The following GPC5 variants were observed in gnomAD, a reference collection of about 807,000 sequenced individuals.
The protein encoded by GPC5 is glypican 5, also known as glypican-5.
GPC5 carries 47 observed loss-of-function variants against 53.9 expected under a neutral mutation model. The observed-to-expected ratio is 0.87, with a 90% CI of 0.69 to 1.11. The LOEUF (loss-of-function observed/expected upper bound fraction) is 1.11, where lower values mean the gene tolerates loss of function less well. GPC5 is among the 50% of genes most tolerant of loss of function. The pLI, the probability that GPC5 is intolerant of heterozygous loss-of-function variation, is 0.00. For synonymous variants in GPC5, 286 were observed against 263.3 expected (o/e 1.09, Z -0.84); for missense variants, 748 against 713.1 (o/e 1.05, Z -0.56).
chr13:91,784,941 T>G (rs1442543179), intron 5 of GPC5, among the ~76,000 whole-genome samples: 1 of 152,210 alleles, frequency 6.6e-6, no homozygotes, highest in East Asian at 1.9e-4. Flanking sequence ...ACCAGTGACC[T>G]CTGATTGCTA....
intron 7 of GPC5, among the ~76,000 whole-genome samples, chr13:92,256,678 A>G (rs1431596179): frequency 1.3e-5 from 2 of 152,058 alleles, no homozygotes; most frequent in African/African-American, 4.8e-5. Context: ...TACCTAGTTC[A>G]ATATGAATCT....
chr13:92,587,058 C>T (rs1437453764), intron 7 of GPC5, among the ~76,000 whole-genome samples: 13 of 152,138 alleles, frequency 8.5e-5, no homozygotes, highest in Admixed American at 3.3e-4. Flanking sequence ...AAAAACATCT[C>T]CATCAGCATC....
At chr13:92,076,873 T>C (rs1479400065) in intron 6 of GPC5, among the ~76,000 whole-genome samples, 2 of 152,192 alleles carry the variant, frequency 1.3e-5, no homozygotes, top group African/African-American at 2.4e-5. Flanking sequence ...AGAAATTAAG[T>C]AAAATTCTAG....
intron 7 of GPC5, among the ~76,000 whole-genome samples, chr13:92,571,860 G>A (rs1455378072): frequency 1.3e-5 from 2 of 152,030 alleles, no homozygotes; most frequent in Non-Finnish European, 2.9e-5. Context: ...GCAACATGGC[G>A]AGGTCCCATA....
intron 7 of GPC5, among the ~76,000 whole-genome samples, chr13:92,604,497 C>T (rs932237181): frequency 6.6e-6 from 1 of 152,144 alleles, no homozygotes; most frequent in East Asian, 1.9e-4. Context: ...CTAGAACTTT[C>T]TAAATTTTAT....
chr13:91,821,108 G>A (rs1315790193), intron 5 of GPC5, among the ~76,000 whole-genome samples: 2 of 152,062 alleles, frequency 1.3e-5, no homozygotes, highest in African/African-American at 2.4e-5. Context: ...CAACTTTTAA[G>A]CAATGAACAT....
chr13:92,777,642 G>C (rs1339148603), intron 7 of GPC5, among the ~76,000 whole-genome samples: 2 of 151,146 alleles, frequency 1.3e-5, no homozygotes, highest in Non-Finnish European at 2.9e-5. Flanking sequence ...CAAAGACTGG[G>C]CAAGTCTTAC....
intron 6 of GPC5, among the ~76,000 whole-genome samples, chr13:92,119,567 A>ATTTTTTT (rs59391576): frequency 7.1e-5 from 5 of 70,626 alleles, no homozygotes; most frequent in Non-Finnish European, 9.8e-5. Context: ...CGCCTGGCTA[A>ATTTTTTT]TTTTTTTTTT....
chr13:91,594,982 TTACATTTATTTATTTA>T (rs1276567231), intron 2 of GPC5, among the ~76,000 whole-genome samples: 1 of 148,128 alleles, frequency 6.8e-6, no homozygotes, highest in Non-Finnish European at 1.5e-5. Context: ...ATTTTTTTAT[TTACATTTATTTATTTA>T]TTTATTTATT....
intron 7 of GPC5, among the ~76,000 whole-genome samples, chr13:92,418,468 G>A (rs577582467): frequency 6.6e-6 from 1 of 152,282 alleles, no homozygotes; most frequent in Admixed American, 6.5e-5. Context: ...GAATCTCCAT[G>A]GAGAACGGAG....
intron 1 of GPC5, among the ~76,000 whole-genome samples, chr13:91,433,345 A>T (rs1351749287): frequency 5.0e-5 from 6 of 119,466 alleles, no homozygotes; most frequent in African/African-American, 1.5e-4. Context: ...TGCTATCCCT[A>T]CCCCCTCCCC....
At position 91,518,984 on chromosome 13, in the gene GPC5, T is replaced by C. The variant is rs1038690593; in HGVS notation, c.325+70062T>C. Among the ~76,000 whole-genome samples the C allele has an allele frequency of 1.4e-4, 21 of 152,246 alleles. 1 individual carries two copies. Among genetic ancestry groups the C allele is most frequent in the African/African-American group, 5.1e-4 (21 of 41,462 alleles). On this transcript the variant is annotated intron_variant, in intron 2 of 7. Coordinates refer to ENST00000377067, the MANE Select transcript of GPC5 (RefSeq NM_004466.6). ...CCACTGTGCCATGTCCTTACAACAT[T>C]TTAATGGCATTTTACTATCCTGGAG...
chr13:92,611,221 T>C (rs1486553527), intron 7 of GPC5, among the ~76,000 whole-genome samples: 1 of 152,134 alleles, frequency 6.6e-6, no homozygotes, highest in African/African-American at 2.4e-5. Flanking sequence ...AACCAATGAA[T>C]AGAATGTAAC....
chr13:91,878,030 C>G (rs897287829), intron 5 of GPC5, among the ~76,000 whole-genome samples: 8 of 152,088 alleles, frequency 5.3e-5, no homozygotes, highest in Non-Finnish European at 5.9e-5. Flanking sequence ...CCTTTTGCCT[C>G]CCCCTGTGAT....
At chr13:91,640,390 A>G (rs2034395139) in intron 2 of GPC5, among the ~76,000 whole-genome samples, 1 of 152,210 alleles carries the variant, frequency 6.6e-6, no homozygotes. Context: ...CTCAACGTTC[A>G]TGATCATTAG....
intron 1 of GPC5, among the ~76,000 whole-genome samples, chr13:91,447,099 T>C (rs915270559): frequency 2.6e-5 from 4 of 152,242 alleles, no homozygotes; most frequent in African/African-American, 9.6e-5. Flanking sequence ...TCACAGGCCA[T>C]GTTTAGGAAT....
intron 7 of GPC5, among the ~76,000 whole-genome samples, chr13:92,562,339 C>G (rs1319984505): frequency 6.6e-6 from 1 of 152,074 alleles, no homozygotes. Context: ...TGTTCTCCTT[C>G]CACCATATTC....
intron 3 of GPC5, among the ~76,000 whole-genome samples, chr13:91,702,417 A>G (rs1320585525): frequency 2.6e-5 from 4 of 152,068 alleles, no homozygotes; most frequent in South Asian, 2.1e-4. Context: ...GTACTTTTAC[A>G]GTTTCAGGTC....
intron 2 of GPC5, among the ~76,000 whole-genome samples, chr13:91,453,026 TA>T (rs1250154129): frequency 7.6e-6 from 1 of 131,212 alleles, no homozygotes; most frequent in African/African-American, 3.0e-5. Flanking sequence ...TGCATTATTC[TA>T]AAAAAATGTT....
Sources: allele counts gnomAD v4.1 joint callset (sites outside exome capture counted in the v4.1 genomes callset), GRCh38; gene constraint gnomAD v4.1.1; transcripts MANE v1.5; gene names NCBI Gene and HGNC (gene_info 2026-07-23, HGNC 2026-07-21).